Variants in ABTB2 observed in about 807,000 individuals in gnomAD.
ABTB2 encodes the protein ankyrin repeat and BTB domain containing 2, also known as ankyrin repeat and BTB/POZ domain-containing protein 2.
ABTB2 carries 56 observed loss-of-function variants against 104.1 expected under a neutral mutation model. That is an observed-to-expected ratio of 0.54 (90% CI 0.43 to 0.67). The LOEUF is 0.67. Ranked by LOEUF, ABTB2 falls within the 30% of genes least tolerant of loss-of-function variation. The pLI, the probability that ABTB2 is intolerant of heterozygous loss-of-function variation, is 0.00. For missense variants in ABTB2, 1,279 were observed against 1,407.7 expected, an observed-to-expected ratio of 0.91 and a Z score of 1.46; for synonymous variants, 606 against 608.2, an observed-to-expected ratio of 1.00 and a Z score of 0.05.
chr11:34,300,904 C>A (rs1014495111), intron 1 of ABTB2, among the ~76,000 whole-genome samples: 2 of 152,148 alleles, frequency 1.3e-5, no homozygotes, highest in African/African-American at 2.4e-5. Context: ...GTTGGGTTAA[C>A]CTTACTTATA....
At chr11:34,335,500 C>T (rs1855183430) in intron 1 of ABTB2, 1 of 930,410 alleles carries the variant, frequency 1.1e-6, no homozygotes, top group African/African-American at 1.6e-5. Context: ...TTGCTATTAG[C>T]TACTTCTGGA....
intron 3 of ABTB2, among the ~76,000 whole-genome samples, chr11:34,183,374 G>T (rs1853052759): frequency 6.6e-6 from 1 of 152,174 alleles, no homozygotes; most frequent in African/African-American, 2.4e-5. Context: ...TGCTGGGATG[G>T]CAGGCGTGAG....
At chr11:34,205,632 C>T (rs1853400155) in intron 1 of ABTB2, among the ~76,000 whole-genome samples, 2 of 151,222 alleles carry the variant, frequency 1.3e-5, no homozygotes, top group Admixed American at 1.3e-4. Context: ...AAGAAAAATA[C>T]CCACAGGAAT....
At position 34,154,455 on chromosome 11, in the gene ABTB2, C is replaced by T. The variant is rs1369031926; in HGVS notation, c.2767-77G>A. Reference sequence around the variant, plus strand: ...CAGACAGCACCGAACAGAAAGCTCCCGAGTGCCGTGTGCCCTGCTGCCTCC... The same window carrying T: ...CAGACAGCACCGAACAGAAAGCTCCTGAGTGCCGTGTGCCCTGCTGCCTCC... On this transcript the variant is annotated intron_variant, in intron 15 of 16. Transcript: ENST00000435224. The surrounding 1 kb of genome is among the most constrained non-coding windows in gnomAD (Gnocchi z 4.9). The T allele has an allele frequency of 1.5e-5, 17 of 1,113,532 alleles. No individual in the cohort carries two copies. Among genetic ancestry groups the T allele is most frequent in the African/African-American group, 6.2e-5 (4 of 64,906 alleles). 69.0% of individuals were successfully genotyped at this position (1,113,532 alleles called of 1,614,324 possible).
chr11:34,229,121 G>GAAAAA (rs370579783), intron 1 of ABTB2, among the ~76,000 whole-genome samples: 6,121 of 103,606 alleles, frequency 0.059, 428 homozygotes, highest in African/African-American at 0.15. Context: ...CTCCGTCTTG[G>GAAAAA]AAAAAAAAAA....
At chr11:34,181,532 C>T (rs776968957) in intron 3 of ABTB2, among the ~76,000 whole-genome samples, 4 of 152,176 alleles carry the variant, frequency 2.6e-5, no homozygotes, top group East Asian at 1.9e-4. Flanking sequence ...TGAGGCCAGC[C>T]GGTTTGTGCC....
At chr11:34,310,036 G>A (rs1854830656) in intron 1 of ABTB2, among the ~76,000 whole-genome samples, 1 of 152,124 alleles carries the variant, frequency 6.6e-6, no homozygotes, top group African/African-American at 2.4e-5. Context: ...CCTTGACATT[G>A]AGTAACAGTG....
intron 3 of ABTB2, among the ~76,000 whole-genome samples, chr11:34,176,912 C>T (rs79100357): frequency 0.026 from 4,015 of 152,186 alleles, 179 homozygotes; most frequent in East Asian, 0.19. Context: ...ATAAGAGTTC[C>T]CTTAAACATA....
At chr11:34,316,267 G>T (rs148107279) in intron 1 of ABTB2, among the ~76,000 whole-genome samples, 3 of 152,286 alleles carry the variant, frequency 2.0e-5, no homozygotes, top group Non-Finnish European at 4.4e-5. Context: ...CGGATCATAC[G>T]GACACTGCAA....
chr11:34,331,524 TG>T (rs1229525604), intron 1 of ABTB2, among the ~76,000 whole-genome samples: 1 of 152,192 alleles, frequency 6.6e-6, no homozygotes, highest in African/African-American at 2.4e-5. Context: ...CCATGGTAAC[TG>T]GAGCAATTTG....
At chr11:34,208,445 T>C (rs560456748) in intron 1 of ABTB2, among the ~76,000 whole-genome samples, 2 of 152,300 alleles carry the variant, frequency 1.3e-5, no homozygotes, top group East Asian at 3.9e-4. Context: ...CCTGTACCCA[T>C]GACTGTGAGT....
chr11:34,203,139 T>G (rs1853365353), intron 2 of ABTB2, among the ~76,000 whole-genome samples: 1 of 152,130 alleles, frequency 6.6e-6, no homozygotes, highest in African/African-American at 2.4e-5. Flanking sequence ...GGGCTGCTAG[T>G]CTTATCCAGG....
intron 13 of ABTB2, among the ~76,000 whole-genome samples, 163 bp downstream of exon 13, chr11:34,159,743 C>T (rs1852681326): frequency 6.6e-6 from 1 of 152,246 alleles, no homozygotes; most frequent in Non-Finnish European, 1.5e-5. Context: ...CACCCCGTCT[C>T]ATCCCGCTGT....
At chr11:34,204,741 A>C in intron 1 of ABTB2, 51 bp from the exon 2 acceptor site, 18 of 1,569,756 alleles carry the variant, frequency 1.1e-5, no homozygotes, top group African/African-American at 1.3e-5. Context: ...GTGGAAGTTC[A>C]GTGGGCCCCA....
rs571668096 is a variant in ABTB2, at chr11:34,225,647, C to T, written c.884-20957G>A. Among the ~76,000 whole-genome samples, 349 of 151,798 alleles carry T rather than the reference C, an allele frequency of 2.3e-3. 3 individuals are homozygous for T. The highest frequency in any genetic ancestry group is 1.9e-3 in the Non-Finnish European group (132 of 67,924). On this transcript the variant is annotated intron_variant, in intron 1 of 16. Coordinates refer to ENST00000435224, the MANE Select transcript of ABTB2 (RefSeq NM_145804.3). ...GCACATGCCTGTGATTCCAGCTACTCGGGAGGCTGAGGCAGGAGAATTGCT... is the reference window on the plus strand; with the variant it reads ...GCACATGCCTGTGATTCCAGCTACTTGGGAGGCTGAGGCAGGAGAATTGCT...
At position 34,173,731 on chromosome 11, in the gene ABTB2, GTTC is replaced by G. The variant is rs1320798275; in HGVS notation, c.1245-427_1245-425del. On this transcript the variant is annotated intron_variant, in intron 3 of 16. Coordinates refer to ENST00000435224, the MANE Select transcript of ABTB2 (RefSeq NM_145804.3). ...AAGAGTTCAGTCAGGGTCGCCAAGTGTTCTTCTATGCAGAGGGGAGAGGCTGCA... is the reference window on the plus strand; with the variant it reads ...AAGAGTTCAGTCAGGGTCGCCAAGTGTTCTATGCAGAGGGGAGAGGCTGCA... 6.6e-5 allele frequency among the ~76,000 whole-genome samples: 10 copies of G among 152,114 alleles called. No homozygotes were observed. In the East Asian group the frequency reaches 1.7e-3, roughly 26 times the overall value.
At chr11:34,303,021 T>C (rs1171970150) in intron 1 of ABTB2, among the ~76,000 whole-genome samples, 2 of 152,220 alleles carry the variant, frequency 1.3e-5, no homozygotes, top group African/African-American at 4.8e-5. Flanking sequence ...GCTTTCCTTC[T>C]CAACATTCCT....
At chr11:34,256,883 TG>T (rs1854129933) in intron 1 of ABTB2, among the ~76,000 whole-genome samples, 1 of 152,188 alleles carries the variant, frequency 6.6e-6, no homozygotes, top group African/African-American at 2.4e-5. Flanking sequence ...TGGACTGTCA[TG>T]GCTGTGCAGC....
At chr11:34,199,650 C>T (rs1166715319) in intron 2 of ABTB2, among the ~76,000 whole-genome samples, 2 of 152,110 alleles carry the variant, frequency 1.3e-5, no homozygotes, top group African/African-American at 4.8e-5. Context: ...AGGGAGGCTC[C>T]CCCGGAGGTC....
Sources: allele counts gnomAD v4.1 joint callset (sites outside exome capture counted in the v4.1 genomes callset), GRCh38; gene constraint gnomAD v4.1.1; non-coding constraint Gnocchi (gnomAD v3.1); transcripts MANE v1.5; gene names NCBI Gene and HGNC (gene_info 2026-07-23, HGNC 2026-07-21).